PTPRT: variants seen among roughly 807,000 people sequenced by gnomAD.
The protein encoded by PTPRT is receptor-type tyrosine-protein phosphatase T.
In PTPRT, 56 loss-of-function variants were observed where a neutral mutation model predicts 176.8. The ratio of observed to expected loss-of-function variants is 0.32; its 90% CI spans 0.26 to 0.40. The LOEUF is 0.40. Among genes scored for constraint, PTPRT ranks in the 10% least tolerant of loss-of-function variants. The pLI, the probability that PTPRT is intolerant of heterozygous loss-of-function variation, is 1.00. For synonymous variants in PTPRT, 783 were observed against 739.0 expected (o/e 1.06, Z -0.96); for missense variants, 1,540 against 1,908.2 (o/e 0.81, Z 3.60).
intron 7 of PTPRT, among the ~76,000 whole-genome samples, chr20:42,643,119 C>T (rs2074800504): frequency 6.6e-6 from 1 of 152,108 alleles, no homozygotes. Context: ...ATCCAAGATG[C>T]ACATTGAGTA....
intron 6 of PTPRT, among the ~76,000 whole-genome samples, chr20:42,693,067 A>G (rs917167293): frequency 7.2e-5 from 11 of 152,230 alleles, no homozygotes; most frequent in African/African-American, 2.7e-4. Context: ...TTCTACTTCA[A>G]TAACAAACAA....
chr20:42,243,633 A>G (rs1053810227), intron 14 of PTPRT, among the ~76,000 whole-genome samples: 3 of 152,196 alleles, frequency 2.0e-5, no homozygotes, highest in Non-Finnish European at 4.4e-5. Flanking sequence ...AGCCCCAGAG[A>G]GGAAAGTGGT....
chr20:42,071,241 G>C (rs967392731), downstream of PTPRT, among the ~76,000 whole-genome samples: 3 of 152,154 alleles, frequency 2.0e-5, no homozygotes, highest in African/African-American at 7.2e-5. Flanking sequence ...CACATACAAA[G>C]AACTTGGGAA....
chr20:43,177,519 C>A (rs1388881055), intron 1 of PTPRT, among the ~76,000 whole-genome samples: 1 of 152,196 alleles, frequency 6.6e-6, no homozygotes, highest in East Asian at 1.9e-4. Flanking sequence ...CCCCTAGAAT[C>A]CCAGGTGGAA....
intron 1 of PTPRT, among the ~76,000 whole-genome samples, chr20:43,165,794 A>G (rs2014842802): frequency 6.6e-6 from 1 of 152,162 alleles, no homozygotes; most frequent in East Asian, 1.9e-4. Context: ...GTTGAGTGGC[A>G]ATTCTGATGA....
chr20:42,089,130 GTGTCT>G (rs1359413578), intron 27 of PTPRT, among the ~76,000 whole-genome samples: 3 of 152,140 alleles, frequency 2.0e-5, no homozygotes, highest in Non-Finnish European at 4.4e-5. Context: ...GTGTGTGTGT[GTGTCT>G]TGTCGGGCGC....
At position 43,118,936 on chromosome 20, in the gene PTPRT, A is replaced by G. The variant is rs550964443; in HGVS notation, c.88+70710T>C. ...AAATGGTTACAAAGAATGACCAGAA[A>G]ATGCTAATTTTATTCTAAGAAAGTC... On this transcript the variant is annotated intron_variant, in intron 1 of 30. Transcript: ENST00000373187. Among the ~76,000 whole-genome samples the G allele has an allele frequency of 4.6e-5, 7 of 152,348 alleles. No homozygotes were observed. In the East Asian group the frequency reaches 1.3e-3, roughly 29 times the overall value.
chr20:42,185,126 G>A (rs902834244), intron 16 of PTPRT, among the ~76,000 whole-genome samples: 6 of 152,048 alleles, frequency 3.9e-5, no homozygotes, highest in African/African-American at 1.2e-4. Flanking sequence ...CAAGTGGTGT[G>A]GAAAAGCCAG....
At chr20:42,208,001 G>C (rs1335539449) in intron 15 of PTPRT, among the ~76,000 whole-genome samples, 11 of 91,294 alleles carry the variant, frequency 1.2e-4, no homozygotes, top group Non-Finnish European at 2.0e-4. Flanking sequence ...CATTCTTAAA[G>C]AAAAGAATTT....
intron 27 of PTPRT, among the ~76,000 whole-genome samples, chr20:42,096,470 G>A (rs1291660409): frequency 6.6e-6 from 1 of 152,098 alleles, no homozygotes; most frequent in African/African-American, 2.4e-5. Flanking sequence ...GGGCATGTTG[G>A]CACACGCCTG....
In PTPRT at chr20:42,618,095, C is replaced by G. The variant is rs1289816897; in HGVS notation, c.1153+59771G>C. The stretch of plus-strand genomic sequence containing the variant: ...GGCATTTAGTGCTAGAAATTTCCCT[C>G]TACACACTGCTTTGAATGCGTCCCA... On this transcript the variant is annotated intron_variant, in intron 7 of 30. Coordinates refer to ENST00000373187, the MANE Select transcript of PTPRT (RefSeq NM_007050.6). Among the ~76,000 whole-genome samples, 926 of 136,118 alleles carry G rather than the reference C, an allele frequency of 6.8e-3. 212 individuals carry two copies. Among genetic ancestry groups the G allele is most frequent in the African/African-American group, 0.029 (880 of 30,718 alleles). 89.3% of individuals were successfully genotyped at this position (136,118 alleles called of 152,430 possible).
At chr20:42,058,782 C>G in the PTPRT span, among the ~76,000 whole-genome samples, 3 of 152,174 alleles carry the variant, frequency 2.0e-5, no homozygotes, top group Admixed American at 2.0e-4. Flanking sequence ...AGGCTGGAAA[C>G]TGGGGCTCTG....
chr20:42,965,793 C>T lies in PTPRT; in HGVS notation c.89-79861G>A, dbSNP rs113969797. Among the ~76,000 whole-genome samples, 1,460 of 152,198 alleles carry T rather than the reference C, an allele frequency of 9.6e-3. 11 individuals carry two copies. Among genetic ancestry groups the T allele is most frequent in the Non-Finnish European group, 0.014 (922 of 68,004 alleles). On this transcript the variant is annotated intron_variant, in intron 1 of 30. Coordinates refer to ENST00000373187, the MANE Select transcript of PTPRT (RefSeq NM_007050.6). ...ATCTATACATTTAAGAAATCCCAAA[C>T]GATACCCCCATTTAATTTTCTTTGG...
intron 14 of PTPRT, among the ~76,000 whole-genome samples, chr20:42,245,141 G>A (rs184945475): frequency 7.2e-5 from 11 of 152,116 alleles, no homozygotes; most frequent in East Asian, 1.9e-4. Flanking sequence ...AGATGTGATC[G>A]ACAGATCCAG....
chr20:42,698,427 C>T lies in PTPRT; in HGVS notation c.860-20268G>A, dbSNP rs189345304. ...ACACCTAAATGGCAAACGCCTGGGT[C>T]CCTCCAAGTCCATTTCCAACTAAGG... On this transcript the variant is annotated intron_variant, in intron 6 of 30. Coordinates refer to ENST00000373187, the MANE Select transcript of PTPRT (RefSeq NM_007050.6). Among the ~76,000 whole-genome samples the T allele has an allele frequency of 2.4e-3, 363 of 152,236 alleles. 1 individual carries two copies. The highest frequency in any genetic ancestry group is 3.1e-3 in the Non-Finnish European group (211 of 68,008).
intron 2 of PTPRT, among the ~76,000 whole-genome samples, chr20:42,798,080 C>T (rs1010315444): frequency 9.2e-5 from 14 of 152,182 alleles, no homozygotes; most frequent in South Asian, 2.1e-4. Context: ...AAACATCCTA[C>T]GCATGTCCCT....
chr20:43,062,641 A>G (rs1987519689), intron 1 of PTPRT, among the ~76,000 whole-genome samples: 1 of 152,224 alleles, frequency 6.6e-6, no homozygotes, highest in Non-Finnish European at 1.5e-5. Flanking sequence ...AAGAATGAAT[A>G]CCAAATGTAT....
chr20:42,584,784 G>C (rs576476933), intron 7 of PTPRT, among the ~76,000 whole-genome samples: 35 of 152,282 alleles, frequency 2.3e-4, no homozygotes, highest in African/African-American at 7.9e-4. Context: ...CTGGGTGTAG[G>C]ACTGATCAAT....
chr20:42,825,208 A>C (rs2077971225), intron 2 of PTPRT, among the ~76,000 whole-genome samples: 3 of 152,238 alleles, frequency 2.0e-5, no homozygotes, highest in Non-Finnish European at 4.4e-5. Flanking sequence ...CACATATCAC[A>C]TTAAAATGCC....
Sources: allele counts gnomAD v4.1 joint callset (sites outside exome capture counted in the v4.1 genomes callset), GRCh38; gene constraint gnomAD v4.1.1; transcripts MANE v1.5; gene names NCBI Gene and HGNC (gene_info 2026-07-23, HGNC 2026-07-21).